CTNNA3: variants seen among roughly 807,000 people sequenced by gnomAD.
CTNNA3 encodes catenin alpha 3.
In CTNNA3, 76 loss-of-function variants were observed where a neutral mutation model predicts 95.7. The ratio of observed to expected loss-of-function variants is 0.79; its 90% CI spans 0.66 to 0.96. The LOEUF is 0.96. CTNNA3 is among the 40% of genes least tolerant of loss of function. The pLI is 0.00. For missense variants in CTNNA3, 1,191 were observed against 1,089.8 expected (o/e 1.09, Z -1.31); for synonymous variants, 431 against 374.4 (o/e 1.15, Z -1.74).
intron 9 of CTNNA3, among the ~76,000 whole-genome samples, chr10:66,644,250 G>A (rs868337026): frequency 6.7e-6 from 1 of 148,406 alleles, no homozygotes; most frequent in Non-Finnish European, 1.5e-5. Flanking sequence ...CGGAATAAGA[G>A]ACTTGGTCTC....
chr10:66,425,713 C>A (rs1027197151), intron 11 of CTNNA3, among the ~76,000 whole-genome samples: 3 of 151,910 alleles, frequency 2.0e-5, no homozygotes, highest in Non-Finnish European at 4.4e-5. Flanking sequence ...TATACACACA[C>A]ATATATATTC....
chr10:66,653,596 A>G (rs1845981848), intron 9 of CTNNA3, among the ~76,000 whole-genome samples: 1 of 152,112 alleles, frequency 6.6e-6, no homozygotes, highest in African/African-American at 2.4e-5. Flanking sequence ...AGCAATAGAA[A>G]AAAAATCCTA....
At chr10:66,599,332 G>A (rs1564559390) in intron 10 of CTNNA3, among the ~76,000 whole-genome samples, 2 of 152,118 alleles carry the variant, frequency 1.3e-5, no homozygotes, top group South Asian at 4.1e-4. Context: ...CATCCACAAA[G>A]CTTGGTTCAT....
At chr10:66,435,493 T>C (rs2093330579) in intron 11 of CTNNA3, among the ~76,000 whole-genome samples, 1 of 152,212 alleles carries the variant, frequency 6.6e-6, no homozygotes, top group Non-Finnish European at 1.5e-5. Context: ...TCTCTGATGG[T>C]AGTTTGTATT....
At chr10:66,572,720 A>C (rs1194765021) in intron 10 of CTNNA3, among the ~76,000 whole-genome samples, 1 of 152,184 alleles carries the variant, frequency 6.6e-6, no homozygotes, top group African/African-American at 2.4e-5. Context: ...CTTTCTCAAA[A>C]TATCTTTGTA....
At chr10:67,525,318 C>T (rs1171304576) in intron 4 of CTNNA3, among the ~76,000 whole-genome samples, 1 of 152,016 alleles carries the variant, frequency 6.6e-6, no homozygotes, top group African/African-American at 2.4e-5. Context: ...ACTGTCAACA[C>T]TCCCAGAGTG....
chr10:65,931,982 C>T (rs1340261515), intron 17 of CTNNA3, among the ~76,000 whole-genome samples: 1 of 152,158 alleles, frequency 6.6e-6, no homozygotes, highest in Non-Finnish European at 1.5e-5. Context: ...TTTTTAATCA[C>T]TGTGATGTTG....
rs974852617 is a variant in CTNNA3, at chr10:67,305,598, A to T, written c.580-85728T>A. Among the ~76,000 whole-genome samples the T allele has an allele frequency of 5.3e-4, 81 of 152,126 alleles. 4 individuals carry two copies. Among genetic ancestry groups the T allele is most frequent in the South Asian group, 4.1e-4 (2 of 4,826 alleles). On this transcript the variant is annotated intron_variant, in intron 5 of 17. Coordinates refer to ENST00000433211, the MANE Select transcript of CTNNA3 (RefSeq NM_013266.4). Reference sequence around the variant, plus strand: ...AAAAGGTCACAATGTGAATTGTAAAAAAATAAATAAATAAATAAAGCTAGA... The same window carrying T: ...AAAAGGTCACAATGTGAATTGTAAATAAATAAATAAATAAATAAAGCTAGA...
chr10:67,568,465 A>ATG lies in CTNNA3; in HGVS notation c.293-28798_293-28797dup, dbSNP rs61162014. Among the ~76,000 whole-genome samples, 173 of 150,176 alleles carry ATG rather than the reference A, an allele frequency of 1.2e-3. 1 individual carries two copies. Among genetic ancestry groups the ATG allele is most frequent in the East Asian group, 4.5e-3 (23 of 5,110 alleles). On this transcript the variant is annotated intron_variant, in intron 3 of 17. Coordinates refer to ENST00000433211, the MANE Select transcript of CTNNA3 (RefSeq NM_013266.4). ...TCCCTGATTGTTCCAGTATATATATATGTGTGTGTGTGTGTGTGTATAGTA... is the reference window on the plus strand; with the variant it reads ...TCCCTGATTGTTCCAGTATATATATATGTGTGTGTGTGTGTGTGTGTATAGTA...
intron 7 of CTNNA3, among the ~76,000 whole-genome samples, chr10:67,076,979 A>G (rs1442746672): frequency 6.6e-6 from 1 of 152,158 alleles, no homozygotes; most frequent in African/African-American, 2.4e-5. Context: ...CTCACCGCCA[A>G]AGCAACTTGC....
At chr10:66,887,061 T>C (rs953946182) in intron 7 of CTNNA3, among the ~76,000 whole-genome samples, 2 of 152,186 alleles carry the variant, frequency 1.3e-5, no homozygotes, top group Non-Finnish European at 2.9e-5. Flanking sequence ...AACTGTGCTG[T>C]ATCTTCAAAC....
Position 67,560,594 on chromosome 10 carries a change from G to A in CTNNA3, c.293-20925C>T, listed in dbSNP as rs182647876. On this transcript the variant is annotated intron_variant, in intron 3 of 17. Coordinates refer to ENST00000433211, the MANE Select transcript of CTNNA3 (RefSeq NM_013266.4). ...ACTGCATCAACTAACGAGGAAAATA[G>A]GCAGCTAACATCATAATGACAGGAT... Among the ~76,000 whole-genome samples the A allele has an allele frequency of 2.3e-3, 356 of 152,088 alleles. 2 individuals carry two copies. The highest frequency in any genetic ancestry group is 7.8e-3 in the African/African-American group (323 of 41,494).
At chr10:67,225,440 AC>A (rs1157271078) in intron 5 of CTNNA3, among the ~76,000 whole-genome samples, 1 of 152,056 alleles carries the variant, frequency 6.6e-6, no homozygotes, top group Admixed American at 6.6e-5. Context: ...GCATTAAACC[AC>A]CAAAGCTAAG....
chr10:67,727,517 T>G (rs1370049535), intron 1 of CTNNA3, among the ~76,000 whole-genome samples: 2 of 131,570 alleles, frequency 1.5e-5, no homozygotes, highest in African/African-American at 5.5e-5. Flanking sequence ...ATATAACATA[T>G]CATATATTAT....
At chr10:67,637,763 T>A (rs1281212132) in intron 2 of CTNNA3, among the ~76,000 whole-genome samples, 4 of 152,158 alleles carry the variant, frequency 2.6e-5, no homozygotes, top group African/African-American at 7.2e-5. Context: ...CCAGCCAAAC[T>A]AAACTTCATA....
intron 7 of CTNNA3, among the ~76,000 whole-genome samples, chr10:67,168,013 T>C (rs1057100767): frequency 6.6e-6 from 1 of 152,236 alleles, no homozygotes; most frequent in Non-Finnish European, 1.5e-5. Context: ...GGCTCACACC[T>C]GCAATCCCAG....
intron 11 of CTNNA3, among the ~76,000 whole-genome samples, chr10:66,430,733 A>G (rs926739007): frequency 4.1e-4 from 62 of 152,276 alleles, no homozygotes; most frequent in African/African-American, 1.5e-3. Flanking sequence ...CCTTCCTTAC[A>G]CCTTATACAA....
At chr10:67,371,129 G>C (rs1236761751) in intron 5 of CTNNA3, among the ~76,000 whole-genome samples, 1 of 151,822 alleles carries the variant, frequency 6.6e-6, no homozygotes, top group African/African-American at 2.4e-5. Context: ...GCCTCCCAAA[G>C]TGCTGGGATT....
At position 67,180,457 on chromosome 10, in the gene CTNNA3, G is replaced by A. The variant is rs747726450; in HGVS notation, c.907C>T (p.Arg303Cys). The change falls in exon 7 of 18, where the codon CGC becomes TGC. Residue 303 changes from arginine to cysteine, a missense_variant. Arg to Cys is a radical substitution (Grantham distance 180). Transcript: ENST00000433211. ...GCCCCACTGATAATGGCTTCAAGGC[G>A]TTTCTCTAGTGATGGTCGTATTTCC... ...EEEIRPSLEKRLEAIISGAAL... is the reference protein window; with the variant it reads ...EEEIRPSLEKCLEAIISGAAL... The A allele has an allele frequency of 1.4e-5, 22 of 1,613,728 alleles. No individual in the cohort carries two copies. The highest frequency in any genetic ancestry group is 1.3e-4 in the East Asian group (6 of 44,868).
Sources: allele counts gnomAD v4.1 joint callset (sites outside exome capture counted in the v4.1 genomes callset), GRCh38; gene constraint gnomAD v4.1.1; transcripts MANE v1.5; gene names NCBI Gene and HGNC (gene_info 2026-07-23, HGNC 2026-07-21).